NCBP3: variants seen among roughly 807,000 people sequenced by gnomAD.
NCBP3 encodes nuclear cap-binding protein subunit 3.
Under a neutral mutation model 75.7 loss-of-function variants are expected in NCBP3, and 20 were observed. The observed-to-expected ratio is 0.26, with a 90% confidence interval of 0.19 to 0.38. NCBP3 has a LOEUF of 0.38. Among genes scored for constraint, NCBP3 ranks in the 10% least tolerant of loss-of-function variants. The pLI is 1.00. For missense variants in NCBP3, 678 were observed against 796.9 expected (o/e 0.85, Z 1.80); for synonymous variants, 293 against 290.5 (o/e 1.01, Z -0.09).
Position 3,822,049 on chromosome 17 carries a change from T to C in NCBP3, c.800A>G (p.Asp267Gly), listed in dbSNP as rs1245937578. 1 of 1,600,700 alleles carries C rather than the reference T, an allele frequency of 6.2e-7. No individual in the cohort carries two copies. Among genetic ancestry groups the C allele is most frequent in the African/African-American group, 1.3e-5 (1 of 74,434 alleles). The change falls in exon 8 of 13, where the codon GAC (aspartate) becomes GGC (glycine). Residue 267 changes from aspartate to glycine, a missense_variant. This residue lies in a region of NCBP3 where 38 missense variants were observed against 78.9 expected (regional missense o/e 0.48). Transcript: ENST00000389005. ...TCTGGCTGCTCCAAGTTCCTTTTTG[T>C]CATCTAAAAATTAATGACAATAGTT... ...RLFMRFATKDDKKELGAARRS... is the reference protein window; with the variant it reads ...RLFMRFATKDGKKELGAARRS...
intron 11 of NCBP3, among the ~76,000 whole-genome samples, chr17:3,815,411 C>T (rs1233513800): frequency 6.6e-6 from 1 of 152,228 alleles, no homozygotes; most frequent in Non-Finnish European, 1.5e-5. Flanking sequence ...ATTCCTAGCA[C>T]CTAGACCAGG....
At chr17:3,813,466 G>T (rs920218584) in intron 12 of NCBP3, among the ~76,000 whole-genome samples, 187 bp from the exon 13 acceptor site, 4 of 152,136 alleles carry the variant, frequency 2.6e-5, no homozygotes, top group Non-Finnish European at 4.4e-5. Flanking sequence ...GCCCGCAAAC[G>T]GAAGGGTCTG....
chr17:3,819,559 CAAAAAAA>C (rs554652960), intron 9 of NCBP3, among the ~76,000 whole-genome samples: 1 of 119,122 alleles, frequency 8.4e-6, no homozygotes, highest in Non-Finnish European at 1.8e-5. Flanking sequence ...GACTCTGTCT[CAAAAAAA>C]AAAAAAAGAG....
intron 7 of NCBP3, chr17:3,822,490 T>A (rs186444381): frequency 2.6e-5 from 4 of 154,790 alleles, no homozygotes. Flanking sequence ...ACAGACTACA[T>A]ATAATTCCAT....
At position 3,822,080 on chromosome 17, in the gene NCBP3, G is replaced by A. The variant is rs192932023; in HGVS notation, c.797-28C>T. The A allele has an allele frequency of 2.1e-3, 2,970 of 1,432,798 alleles. 46 individuals are homozygous for A. The highest frequency in any genetic ancestry group is 5.3e-4 in the East Asian group (23 of 43,798). The allele number at this position is 1,432,798 out of a possible 1,614,324, so 88.8% of individuals were successfully genotyped here. On this transcript the variant is annotated intron_variant, in intron 7 of 12. Coordinates refer to ENST00000389005, the MANE Select transcript of NCBP3 (RefSeq NM_001114118.3). ...AAAAATTAATGACAATAGTTACCTA[G>A]GATTTCCTGTGAGTGTAAAGACAAT...
Position 3,818,448 on chromosome 17 carries a change from C to T in NCBP3, c.1125G>A (p.Glu375=). The T allele has an allele frequency of 6.2e-7, 1 of 1,614,070 alleles. No individual in the cohort carries two copies. The highest frequency in any genetic ancestry group is 8.5e-7 in the Non-Finnish European group (1 of 1,180,024). ...GGGGCTGCTTGAGAGCCGGGAGCTCCTCGTGGTACTCTACCACCACTCTGT... is the reference window on the plus strand; with the variant it reads ...GGGGCTGCTTGAGAGCCGGGAGCTCTTCGTGGTACTCTACCACCACTCTGT... ...ADDRVVVEYH[E]ELPALKQPRE... is the part of the protein sequence containing the mutation. Residue 375 remains glutamate, a synonymous_variant, in exon 10 of 13, where the codon GAG becomes GAA. Transcript: ENST00000389005. This position sits in a 1 kb window ranked among gnomAD's most constrained non-coding sequence, Gnocchi z 4.7.
chr17:3,833,896 C>T (rs1229098907), intron 3 of NCBP3, among the ~76,000 whole-genome samples: 8 of 152,170 alleles, frequency 5.3e-5, no homozygotes, highest in South Asian at 2.1e-4. Context: ...CAGTCTGTTC[C>T]CTCTACTATC....
chr17:3,816,435 C>A (rs2053534482), intron 10 of NCBP3, among the ~76,000 whole-genome samples, 165 bp from the exon 11 acceptor site: 1 of 152,220 alleles, frequency 6.6e-6, no homozygotes, highest in Admixed American at 6.5e-5. Context: ...CTTATGGAAA[C>A]CATGATCTGC....
intron 2 of NCBP3, among the ~76,000 whole-genome samples, chr17:3,841,039 C>T (rs1191919689): frequency 1.3e-5 from 2 of 152,120 alleles, no homozygotes; most frequent in Non-Finnish European, 2.9e-5. Flanking sequence ...CAGGCTGCCA[C>T]GATCTCAGCT....
chr17:3,818,950 C>T lies in NCBP3; in HGVS notation c.1001-378G>A, dbSNP rs765679903. ...AAATCTGAGTCACCAGGCACACACA[C>T]TCCCAGTGGAGGTCAAACAAAGCAA... On this transcript the variant is annotated intron_variant, in intron 9 of 12. Transcript: ENST00000389005. The surrounding 1 kb of genome is among the most constrained non-coding windows in gnomAD (Gnocchi z 4.7). Among the ~76,000 whole-genome samples the T allele has an allele frequency of 8.5e-5, 13 of 152,236 alleles. No individual in the cohort carries two copies. The highest frequency in any genetic ancestry group is 1.8e-4 in the Non-Finnish European group (12 of 68,048).
chr17:3,826,231 A>G lies in NCBP3; in HGVS notation c.482-16T>C. 4 of 1,540,072 alleles carry G rather than the reference A, an allele frequency of 2.6e-6. No individual in the cohort carries two copies. Among genetic ancestry groups the G allele is most frequent in the Non-Finnish European group, 3.5e-6 (4 of 1,141,692 alleles). ...ACTACATTACCTAAAATAAAATGTA[A>G]AATAAGACATTACACAGCATGGAAA... On this transcript the variant is annotated splice_polypyrimidine_tract_variant and intron_variant, in intron 4 of 12. Coordinates refer to ENST00000389005, the MANE Select transcript of NCBP3 (RefSeq NM_001114118.3).
At chr17:3,820,244 C>G (rs887113307) in intron 9 of NCBP3, among the ~76,000 whole-genome samples, 2 of 152,162 alleles carry the variant, frequency 1.3e-5, no homozygotes, top group African/African-American at 4.8e-5. Flanking sequence ...GCCACTGTTC[C>G]CATCCTATGT....
At chr17:3,845,961 G>T in intron 1 of NCBP3, 80 bp downstream of exon 1, 1 of 1,450,520 alleles carries the variant, frequency 6.9e-7, no homozygotes, top group Non-Finnish European at 9.3e-7. Context: ...TGGGGCTCCG[G>T]CCACCGCCCC....
intron 1 of NCBP3, among the ~76,000 whole-genome samples, chr17:3,844,732 C>A (rs1264127034): frequency 2.0e-5 from 3 of 152,226 alleles, no homozygotes; most frequent in Non-Finnish European, 2.9e-5. Flanking sequence ...TCCCTGTAAT[C>A]TCAACTACTT....
chr17:3,814,558 A>ACGGATCTGG, intron 11 of NCBP3, 75 bp from the exon 12 acceptor site: 1 of 1,516,702 alleles, frequency 6.6e-7, no homozygotes, highest in Admixed American at 1.9e-5. Flanking sequence ...GACACCTCTA[A>ACGGATCTGG]CGGATCTGGC....
At chr17:3,819,214 G>A (rs536365595) in intron 9 of NCBP3, among the ~76,000 whole-genome samples, 2 of 152,272 alleles carry the variant, frequency 1.3e-5, no homozygotes, top group East Asian at 3.8e-4. Context: ...TACTGGCTGT[G>A]AACTCAATGT....
At chr17:3,835,345 G>A (rs1294119468) in intron 3 of NCBP3, among the ~76,000 whole-genome samples, 3 of 152,184 alleles carry the variant, frequency 2.0e-5, no homozygotes, top group East Asian at 1.9e-4. Flanking sequence ...CAGAGACAAC[G>A]GTGAGGAACA....
rs962164276 is a variant in NCBP3 at position 3,803,066 on chromosome 17, G to A, written c.*9978C>T. 7 of 152,286 alleles carry A rather than the reference G, an allele frequency of 4.6e-5. No individual in the cohort carries two copies. The highest frequency in any genetic ancestry group is 1.4e-4 in the African/African-American group (6 of 41,454). 9.4% of individuals were successfully genotyped at this position (152,286 alleles called of 1,614,324 possible). ...CCACAAACCCAAACTACATCCCCAA[G>A]GTCAGGGCCAGGCTCTGTTGAGTAA... On this transcript the variant is annotated 3_prime_UTR_variant, in exon 13 of 13. Coordinates refer to ENST00000389005, the MANE Select transcript of NCBP3 (RefSeq NM_001114118.3).
rs749720658 is a variant in NCBP3, at chr17:3,818,514, T to TTCC, written c.1056_1058dup (p.Glu359dup). 3 of 1,610,608 alleles carry TTCC rather than the reference T, an allele frequency of 1.9e-6. No homozygotes were observed. The highest frequency in any genetic ancestry group is 1.7e-4 in the Middle Eastern group (1 of 6,052). On this transcript the variant is annotated inframe_insertion, in exon 10 of 13. Coordinates refer to ENST00000389005, the MANE Select transcript of NCBP3 (RefSeq NM_001114118.3). The surrounding 1 kb of genome is among the most constrained non-coding windows in gnomAD (Gnocchi z 4.7). ...CCTGGTCTTCTTCTTCCTCTTCCTC[T>TTCC]TCCTCCTCCTCCTCCTCTTCCTCCT...
Sources: allele counts gnomAD v4.1 joint callset (sites outside exome capture counted in the v4.1 genomes callset), GRCh38; gene constraint gnomAD v4.1.1; regional missense constraint gnomAD v4.1.1; non-coding constraint Gnocchi (gnomAD v3.1); transcripts MANE v1.5; gene names NCBI Gene and HGNC (gene_info 2026-07-23, HGNC 2026-07-21).